Variants in CDKAL1 observed in about 807,000 individuals in gnomAD.
The protein encoded by CDKAL1 is CDKAL1 threonylcarbamoyladenosine tRNA methylthiotransferase, also known as threonylcarbamoyladenosine tRNA methylthiotransferase.
CDKAL1 carries 32 observed loss-of-function variants against 68.2 expected under a neutral mutation model. The ratio of observed to expected loss-of-function variants is 0.47; its 90% CI spans 0.35 to 0.63. The LOEUF is 0.63. CDKAL1 is among the 30% of genes least tolerant of loss of function. CDKAL1 has a pLI of 0.00. For missense variants in CDKAL1, 606 were observed against 696.7 expected, an observed-to-expected ratio of 0.87 and a Z score of 1.47; for synonymous variants, 234 against 244.3, an observed-to-expected ratio of 0.96 and a Z score of 0.39.
In CDKAL1 at chr6:20,930,456, AAAG is replaced by A. The variant is rs149452433; in HGVS notation, c.743-24959_743-24957del. Among the ~76,000 whole-genome samples the A allele has an allele frequency of 3.6e-3, 553 of 152,302 alleles. 5 individuals carry two copies. The highest frequency in any genetic ancestry group is 0.012 in the African/African-American group (507 of 41,572). On this transcript the variant is annotated intron_variant, in intron 9 of 15. Coordinates refer to ENST00000274695, the MANE Select transcript of CDKAL1 (RefSeq NM_017774.3). ...TCCTTTTTATTGTAACTTTACTGTCAAAGAAGTAGTTTTTGTCTCCAAATGGAA... is the reference window on the plus strand; with the variant it reads ...TCCTTTTTATTGTAACTTTACTGTCAAAGTAGTTTTTGTCTCCAAATGGAA...
At chr6:20,648,047 C>T (rs1377604139) in intron 4 of CDKAL1, among the ~76,000 whole-genome samples, 2 of 148,480 alleles carry the variant, frequency 1.3e-5, no homozygotes, top group Non-Finnish European at 3.0e-5. Flanking sequence ...TGCACTCCAG[C>T]CTGGGTGACA....
At chr6:20,984,818 G>A (rs866268080) in intron 10 of CDKAL1, among the ~76,000 whole-genome samples, 2 of 148,898 alleles carry the variant, frequency 1.3e-5, no homozygotes, top group African/African-American at 5.0e-5. Context: ...TAACGGGGGG[G>A]GGTGGGGAAG....
intron 8 of CDKAL1, among the ~76,000 whole-genome samples, chr6:20,796,762 C>T (rs1221605802): frequency 1.3e-5 from 2 of 152,146 alleles, no homozygotes; most frequent in Admixed American, 6.5e-5. Context: ...TCAAATTGTA[C>T]TGGAGCAGTT....
intron 15 of CDKAL1, among the ~76,000 whole-genome samples, chr6:21,227,750 A>AT (rs2151129883): frequency 6.6e-6 from 1 of 152,360 alleles, no homozygotes; most frequent in East Asian, 1.9e-4. Flanking sequence ...AGAGAAAAAA[A>AT]GGATGCCCGA....
Position 20,551,112 on chromosome 6 carries a change from G to A in CDKAL1, c.286+2407G>A, listed in dbSNP as rs550358230. On this transcript the variant is annotated intron_variant, in intron 4 of 15. Coordinates refer to ENST00000274695, the MANE Select transcript of CDKAL1 (RefSeq NM_017774.3). ...AATCTCCTGACCTCGTGATCCACTCGCCTTGGCCTCCCAAAGTGCTGGGAT... is the reference window on the plus strand; with the variant it reads ...AATCTCCTGACCTCGTGATCCACTCACCTTGGCCTCCCAAAGTGCTGGGAT... 1.8e-4 allele frequency among the ~76,000 whole-genome samples: 28 copies of A among 152,050 alleles called. No individual in the cohort carries two copies. The South Asian group carries it at 3.1e-3, about 17-fold the overall frequency.
intron 9 of CDKAL1, among the ~76,000 whole-genome samples, chr6:20,935,812 C>T (rs1763679442): frequency 6.6e-6 from 1 of 152,144 alleles, no homozygotes; most frequent in Admixed American, 6.5e-5. Context: ...TCAAGCGATC[C>T]TCCCCCTTTG....
At chr6:20,893,527 A>G (rs750296490) in intron 9 of CDKAL1, among the ~76,000 whole-genome samples, 2 of 152,180 alleles carry the variant, frequency 1.3e-5, no homozygotes, top group African/African-American at 4.8e-5. Flanking sequence ...AAGTGTAAAT[A>G]TGTCATTGCA....
chr6:20,917,329 C>G (rs1385191830), intron 9 of CDKAL1, among the ~76,000 whole-genome samples: 3 of 152,032 alleles, frequency 2.0e-5, no homozygotes, highest in Admixed American at 6.6e-5. Context: ...TAGTTTTATA[C>G]ACAGTGAGAC....
At chr6:20,745,562 G>A (rs1223794884) in intron 6 of CDKAL1, among the ~76,000 whole-genome samples, 1 of 151,512 alleles carries the variant, frequency 6.6e-6, no homozygotes, top group African/African-American at 2.4e-5. Context: ...ACTTTTTTTG[G>A]CATCTTCTAA....
chr6:21,054,474 C>G (rs1454663737), intron 11 of CDKAL1, among the ~76,000 whole-genome samples: 2 of 152,092 alleles, frequency 1.3e-5, no homozygotes, highest in African/African-American at 4.8e-5. Context: ...CACAGCTTGT[C>G]ATTTTCAGCA....
chr6:21,176,757 C>T (rs1207575920), intron 13 of CDKAL1, among the ~76,000 whole-genome samples: 2 of 143,834 alleles, frequency 1.4e-5, no homozygotes, highest in African/African-American at 5.2e-5. Flanking sequence ...TGCAGTGGCA[C>T]GATCTTGGCT....
Position 20,797,796 on chromosome 6 carries a change from T to G in CDKAL1, c.638+16531T>G, listed in dbSNP as rs181672737. 1.9e-3 allele frequency among the ~76,000 whole-genome samples: 280 copies of G among 148,046 alleles called. 1 individual carries two copies. The highest frequency in any genetic ancestry group is 6.5e-3 in the African/African-American group (259 of 39,978). The stretch of plus-strand genomic sequence containing the variant: ...TTTATTTTATTTTATTTTATTTTAT[T>G]TTATTTTATTTTATTTTATTTTATT... On this transcript the variant is annotated intron_variant, in intron 8 of 15. Transcript: ENST00000274695.
At chr6:21,086,842 T>C (rs1772719995) in intron 12 of CDKAL1, among the ~76,000 whole-genome samples, 1 of 152,220 alleles carries the variant, frequency 6.6e-6, no homozygotes, top group Non-Finnish European at 1.5e-5. Flanking sequence ...ATGAAAACTT[T>C]GAGGAAATTT....
At chr6:20,901,803 GTCTC>G (rs746030264) in intron 9 of CDKAL1, among the ~76,000 whole-genome samples, 1 of 151,390 alleles carries the variant, frequency 6.6e-6, no homozygotes, top group Non-Finnish European at 1.5e-5. Context: ...CTGAGACAGA[GTCTC>G]TCTCTGTCAT....
intron 12 of CDKAL1, among the ~76,000 whole-genome samples, chr6:21,103,021 C>T (rs1773659574): frequency 6.6e-6 from 1 of 152,298 alleles, no homozygotes; most frequent in East Asian, 1.9e-4. Flanking sequence ...TGTAGTATAC[C>T]TTAAACATAT....
At chr6:20,701,858 C>T (rs1487665048) in intron 5 of CDKAL1, among the ~76,000 whole-genome samples, 2 of 152,086 alleles carry the variant, frequency 1.3e-5, no homozygotes, top group East Asian at 3.9e-4. Flanking sequence ...TAGTAGAAAT[C>T]AGCTTTCTTG....
At chr6:20,576,092 T>A (rs893141782) in intron 4 of CDKAL1, among the ~76,000 whole-genome samples, 1 of 152,174 alleles carries the variant, frequency 6.6e-6, no homozygotes, top group African/African-American at 2.4e-5. Flanking sequence ...TATTAAACAG[T>A]GTTTTGAGGA....
At chr6:20,859,406 A>C (rs969680623) in intron 9 of CDKAL1, among the ~76,000 whole-genome samples, 20 of 152,338 alleles carry the variant, frequency 1.3e-4, no homozygotes, top group Admixed American at 1.1e-3. Context: ...CTTAACTACA[A>C]ATCTATGAAT....
At chr6:21,224,526 A>ATAC (rs1247575769) in intron 15 of CDKAL1, among the ~76,000 whole-genome samples, 1 of 152,048 alleles carries the variant, frequency 6.6e-6, no homozygotes, top group Non-Finnish European at 1.5e-5. Context: ...AATAATAATA[A>ATAC]ACAATAACAA....
Sources: allele counts gnomAD v4.1 joint callset (sites outside exome capture counted in the v4.1 genomes callset), GRCh38; gene constraint gnomAD v4.1.1; transcripts MANE v1.5; gene names NCBI Gene and HGNC (gene_info 2026-07-23, HGNC 2026-07-21).